Variants in CSMD3 observed in about 807,000 individuals in gnomAD.
CSMD3 encodes the protein CUB and Sushi multiple domains 3.
CSMD3 carries 177 observed loss-of-function variants against 435.2 expected under a neutral mutation model. That is an observed-to-expected ratio of 0.41 (90% CI 0.36 to 0.46). The LOEUF (loss-of-function observed/expected upper bound fraction) is 0.46, where lower values mean the gene tolerates loss of function less well. CSMD3 is among the 20% of genes least tolerant of loss of function. The pLI, the probability that CSMD3 is intolerant of heterozygous loss-of-function variation, is 0.34. For synonymous variants in CSMD3, 1,656 were observed against 1,520.5 expected, an observed-to-expected ratio of 1.09 and a Z score of -2.07; for missense variants, 4,265 against 4,504.6, an observed-to-expected ratio of 0.95 and a Z score of 1.52.
At chr8:112,454,711 A>G (rs573306746) in intron 32 of CSMD3, among the ~76,000 whole-genome samples, 49 of 152,140 alleles carry the variant, frequency 3.2e-4, no homozygotes, top group South Asian at 2.5e-3. Flanking sequence ...AAATACCTAG[A>G]TAGGCACAGT....
At chr8:113,270,805 T>C (rs1191630874) in intron 3 of CSMD3, among the ~76,000 whole-genome samples, 1 of 145,892 alleles carries the variant, frequency 6.9e-6, no homozygotes, top group Non-Finnish European at 1.5e-5. Context: ...AAGGGGGACA[T>C]CACGCACCGG....
intron 3 of CSMD3, among the ~76,000 whole-genome samples, chr8:113,226,994 A>G (rs1289497479): frequency 6.6e-6 from 1 of 151,634 alleles, no homozygotes; most frequent in Non-Finnish European, 1.5e-5. Context: ...AAAATCAGAT[A>G]CTTTACTAGG....
Position 113,210,044 on chromosome 8 carries a change from G to GTGTGTGTGTA in CSMD3, c.515-36129_515-36128insTACACACACA, listed in dbSNP as rs57446626. 4.2e-3 allele frequency among the ~76,000 whole-genome samples: 623 copies of GTGTGTGTGTA among 149,448 alleles called. 5 individuals are homozygous for GTGTGTGTGTA. Among genetic ancestry groups the GTGTGTGTGTA allele is most frequent in the East Asian group, 6.3e-3 (32 of 5,072 alleles). ...TGTGTGTGTGTGTGTGTGTGTGTGT[G>GTGTGTGTGTA]TGATACACAGTGTTTTCTAATTTTA... On this transcript the variant is annotated intron_variant, in intron 3 of 70. Transcript: ENST00000297405.
At chr8:113,006,468 G>T (rs189408369) in intron 6 of CSMD3, among the ~76,000 whole-genome samples, 1 of 151,926 alleles carries the variant, frequency 6.6e-6, no homozygotes, top group Non-Finnish European at 1.5e-5. Context: ...AGCCTAGTAG[G>T]GTGGGCTTTA....
intron 3 of CSMD3, among the ~76,000 whole-genome samples, chr8:113,225,055 A>G (rs1482202469): frequency 6.8e-6 from 1 of 146,416 alleles, no homozygotes; most frequent in Non-Finnish European, 1.5e-5. Flanking sequence ...AGTATGAAGG[A>G]GATTATTTCA....
intron 13 of CSMD3, among the ~76,000 whole-genome samples, chr8:112,779,146 C>T (rs2078317925): frequency 6.7e-6 from 1 of 149,928 alleles, no homozygotes; most frequent in South Asian, 2.1e-4. Context: ...TATCTTGACA[C>T]TGTATTTTGC....
chr8:112,566,217 T>G (rs941626302), intron 24 of CSMD3, among the ~76,000 whole-genome samples: 1 of 152,070 alleles, frequency 6.6e-6, no homozygotes, highest in East Asian at 1.9e-4. Context: ...GCAAAGACTC[T>G]CAGTTCAATT....
chr8:112,864,884 A>T (rs1460121925), intron 10 of CSMD3, among the ~76,000 whole-genome samples: 1 of 152,182 alleles, frequency 6.6e-6, no homozygotes, highest in African/African-American at 2.4e-5. Context: ...TGCTTTAGAC[A>T]GAGTTGATAT....
chr8:112,437,621 C>A (rs1188915735), intron 32 of CSMD3, among the ~76,000 whole-genome samples: 1 of 151,796 alleles, frequency 6.6e-6, no homozygotes, highest in African/African-American at 2.4e-5. Context: ...ATTATATGAA[C>A]AATATAATTT....
chr8:112,506,658 T>G (rs761654674), intron 29 of CSMD3, 33 bp downstream of exon 29: 3 of 1,606,094 alleles, frequency 1.9e-6, no homozygotes, highest in Non-Finnish European at 2.6e-6. Flanking sequence ...CAATATATTT[T>G]TTTAACGTGG....
chr8:113,122,294 G>A (rs919634449), intron 4 of CSMD3, among the ~76,000 whole-genome samples: 4 of 152,084 alleles, frequency 2.6e-5, no homozygotes, highest in South Asian at 4.2e-4. Flanking sequence ...GTTAATAAAC[G>A]TGCCCCAATT....
In CSMD3 at chr8:112,517,026, A is replaced by C; in HGVS notation, c.4756+8T>G. The C allele has an allele frequency of 6.2e-7, 1 of 1,605,568 alleles. No homozygotes were observed. Among genetic ancestry groups the C allele is most frequent in the Non-Finnish European group, 8.5e-7 (1 of 1,173,054 alleles). ...TATATAAAATTTTAATTGTTCTTTA[A>C]TTCATACCTATACAGACTGGTGGGC... On this transcript the variant is annotated splice_region_variant and intron_variant, in intron 28 of 70. Coordinates refer to ENST00000297405, the MANE Select transcript of CSMD3 (RefSeq NM_198123.2).
chr8:112,916,786 T>G (rs764702555), intron 10 of CSMD3, among the ~76,000 whole-genome samples: 8 of 151,968 alleles, frequency 5.3e-5, no homozygotes, highest in Non-Finnish European at 1.2e-4. Context: ...CTCAAACTGT[T>G]GGTTACAATT....
At chr8:112,815,007 T>A (rs1459358993) in intron 12 of CSMD3, among the ~76,000 whole-genome samples, 1 of 151,954 alleles carries the variant, frequency 6.6e-6, no homozygotes, top group Non-Finnish European at 1.5e-5. Context: ...TATTTTTCCT[T>A]CTAGTACAAT....
chr8:113,018,427 G>T (rs1355349909), intron 6 of CSMD3, among the ~76,000 whole-genome samples: 1 of 151,908 alleles, frequency 6.6e-6, no homozygotes, highest in Non-Finnish European at 1.5e-5. Flanking sequence ...TCCCTGAAAA[G>T]TAGCTGATAC....
intron 16 of CSMD3, among the ~76,000 whole-genome samples, chr8:112,678,833 T>G (rs1044651174): frequency 1.3e-5 from 2 of 152,138 alleles, no homozygotes; most frequent in African/African-American, 4.8e-5. Flanking sequence ...TTTGAAATGT[T>G]TAATATGAAG....
chr8:113,113,017 G>A (rs2090710408), intron 4 of CSMD3, among the ~76,000 whole-genome samples: 1 of 152,160 alleles, frequency 6.6e-6, no homozygotes, highest in Non-Finnish European at 1.5e-5. Flanking sequence ...TGCCACAGCT[G>A]ACTGTGCCAC....
At chr8:113,000,452 A>T (rs766873776) in intron 6 of CSMD3, among the ~76,000 whole-genome samples, 3 of 151,984 alleles carry the variant, frequency 2.0e-5, no homozygotes, top group Non-Finnish European at 4.4e-5. Context: ...TCTCTTCTAG[A>T]GAGAGGTAAA....
At chr8:112,237,137 TAATAGA>T (rs1813663188) in intron 67 of CSMD3, 47 bp downstream of exon 67, 11 of 1,553,892 alleles carry the variant, frequency 7.1e-6, no homozygotes, top group African/African-American at 1.4e-5. Context: ...GATGAAATCA[TAATAGA>T]AATAAAGTCA....
Sources: gnomAD v4.1 joint callset for allele counts (sites outside exome capture counted in the v4.1 genomes callset) on GRCh38, gnomAD v4.1.1 for gene constraint, MANE v1.5 for transcripts, NCBI Gene and HGNC (gene_info 2026-07-23, HGNC 2026-07-21) for gene names.